The following TRAPPC10 variants were observed in gnomAD, a reference collection of about 807,000 sequenced individuals.
TRAPPC10 encodes trafficking protein particle complex subunit 10, also known as TRAPP 130 kDa subunit.
In TRAPPC10, 23 loss-of-function variants were observed where a neutral mutation model predicts 125.5. That is an observed-to-expected ratio of 0.18 (90% confidence interval 0.13 to 0.26). The LOEUF is 0.26. Among genes scored for constraint, TRAPPC10 ranks in the 10% least tolerant of loss-of-function variants. The probability of loss-of-function intolerance (pLI) is 1.00; values close to 1 mark genes in which losing one functional copy is unlikely to be tolerated. For synonymous variants in TRAPPC10, 509 were observed against 518.0 expected, an observed-to-expected ratio of 0.98 and a Z score of 0.24; for missense variants, 1,123 against 1,308.4, an observed-to-expected ratio of 0.86 and a Z score of 2.19.
intron 1 of TRAPPC10, among the ~76,000 whole-genome samples, chr21:44,026,329 A>G (rs1039751957): frequency 5.9e-5 from 9 of 152,192 alleles, no homozygotes; most frequent in Non-Finnish European, 8.8e-5. Context: ...AGAGCTCCCA[A>G]TCTGAAGCAT....
At chr21:44,088,096 A>G in intron 17 of TRAPPC10, 168 bp downstream of exon 17, 1 of 643,384 alleles carries the variant, frequency 1.6e-6, no homozygotes, top group Admixed American at 2.9e-5. Context: ...CCTTTCTTAG[A>G]TAAGGGGTGC....
In TRAPPC10 at chr21:44,024,530, A is replaced by G. The variant is rs182017996; in HGVS notation, c.68-7561A>G. ...ACCATCAACAACAGGACTAGTGAAC[A>G]CAGGTCTAGAACTGTTTTTGACAGT... On this transcript the variant is annotated intron_variant, in intron 1 of 22. Transcript: ENST00000291574. Among the ~76,000 whole-genome samples the G allele has an allele frequency of 3.3e-5, 5 of 152,356 alleles. No individual in the cohort carries two copies. In the East Asian group the frequency reaches 9.6e-4, roughly 29 times the overall value.
At chr21:44,018,261 C>G (rs2032095834) in intron 1 of TRAPPC10, among the ~76,000 whole-genome samples, 1 of 151,808 alleles carries the variant, frequency 6.6e-6, no homozygotes, top group Non-Finnish European at 1.5e-5. Context: ...AAAAGTTAGC[C>G]AGGTGTGGTG....
intron 3 of TRAPPC10, among the ~76,000 whole-genome samples, chr21:44,038,277 C>G (rs1244787488): frequency 3.3e-5 from 5 of 152,170 alleles, no homozygotes; most frequent in Admixed American, 3.3e-4. Context: ...TGGTCGTGTT[C>G]CCATGTCTCC....
intron 17 of TRAPPC10, chr21:44,088,202 A>G (rs537226169): frequency 2.5e-4 from 119 of 483,180 alleles, no homozygotes; most frequent in African/African-American, 2.1e-3. Context: ...CGGCTTAGGC[A>G]TGAGGGGCGT....
chr21:44,072,338 G>A (rs559040670), intron 7 of TRAPPC10, among the ~76,000 whole-genome samples: 61 of 152,306 alleles, frequency 4.0e-4, no homozygotes, highest in African/African-American at 1.4e-3. Flanking sequence ...TCTGCATCCA[G>A]CGTCCTCTGC....
At chr21:44,026,012 G>T (rs2033030756) in intron 1 of TRAPPC10, among the ~76,000 whole-genome samples, 1 of 152,074 alleles carries the variant, frequency 6.6e-6, no homozygotes, top group Non-Finnish European at 1.5e-5. Flanking sequence ...AAACTTGGTG[G>T]TGCAGAACTG....
rs1419453728 is a variant in TRAPPC10, at chr21:44,040,724, G to A, written c.285+2797G>A. The stretch of plus-strand genomic sequence containing the variant: ...GCAACCTCCGCCCCTCTAGGCTGAC[G>A]CCATCCTCCCACCTCAGCCTCCCAA... On this transcript the variant is annotated intron_variant, in intron 3 of 22. Coordinates refer to ENST00000291574, the MANE Select transcript of TRAPPC10 (RefSeq NM_003274.5). Among the ~76,000 whole-genome samples the A allele has an allele frequency of 3.3e-5, 5 of 151,078 alleles. No individual in the cohort carries two copies. The South Asian group carries it at 6.3e-4, about 19-fold the overall frequency.
chr21:44,042,742 G>A (rs2034506949), intron 3 of TRAPPC10, among the ~76,000 whole-genome samples: 1 of 152,132 alleles, frequency 6.6e-6, no homozygotes, highest in Non-Finnish European at 1.5e-5. Context: ...TTAGTGGTGT[G>A]TTTCTGTTTC....
At chr21:44,043,014 T>A (rs1323988598) in intron 3 of TRAPPC10, among the ~76,000 whole-genome samples, 1 of 151,928 alleles carries the variant, frequency 6.6e-6, no homozygotes, top group Non-Finnish European at 1.5e-5. Context: ...GCTCTGGGAG[T>A]TGAGGGTCTA....
At chr21:44,043,209 CTTTT>C (rs34708259) in intron 3 of TRAPPC10, among the ~76,000 whole-genome samples, 982 of 94,360 alleles carry the variant, frequency 0.01, 14 homozygotes, top group African/African-American at 0.044. Context: ...AATTATTACG[CTTTT>C]TTTTTTTTTT....
intron 3 of TRAPPC10, among the ~76,000 whole-genome samples, chr21:44,044,428 A>G (rs1248730474): frequency 6.6e-6 from 1 of 151,758 alleles, no homozygotes; most frequent in African/African-American, 2.4e-5. Context: ...TTGCTTTAGG[A>G]CTTATAGAGT....
intron 11 of TRAPPC10, among the ~76,000 whole-genome samples, chr21:44,079,061 G>A (rs2037486778): frequency 6.6e-6 from 1 of 152,214 alleles, no homozygotes; most frequent in Non-Finnish European, 1.5e-5. Flanking sequence ...GAGTTTCCAA[G>A]TGGCTCTGTG....
chr21:44,083,001 C>G lies in TRAPPC10; in HGVS notation c.1937C>G (p.Thr646Ser), dbSNP rs1431484198. Residue 646 changes from threonine (T) to serine (S), a missense_variant, in exon 14 of 23, where the codon ACC becomes AGC. Physicochemically the swap from Thr to Ser is moderately conservative, Grantham distance 58. Around this residue, in one of 4 missense-constraint regions of TRAPPC10, gnomAD observed 840 missense variants for 902.0 expected, o/e 0.93. Coordinates refer to ENST00000291574, the MANE Select transcript of TRAPPC10 (RefSeq NM_003274.5). ...TACCGGAAGACTGCGGAGTGGCTTA[C>G]CAAGCACAAGACGTCCAATGGGATC... The part of the protein sequence containing the change: ...NSYRKTAEWL[T>S]KHKTSNGIIN... 6.2e-7 allele frequency: 1 copy of G among 1,614,042 alleles called. No individual in the cohort carries two copies. The highest frequency in any genetic ancestry group is 8.5e-7 in the Non-Finnish European group (1 of 1,180,032).
intron 4 of TRAPPC10, 116 bp from the exon 5 acceptor site, chr21:44,055,577 CAAAAA>C (rs548421815): frequency 2.0e-4 from 120 of 592,094 alleles, no homozygotes; most frequent in African/African-American, 1.1e-3. Context: ...AACTCTGTCT[CAAAAA>C]AAAAAAAAAA....
At chr21:44,055,581 A>G in intron 4 of TRAPPC10, 117 bp from the exon 5 acceptor site, 2 of 766,386 alleles carry the variant, frequency 2.6e-6, no homozygotes, top group Non-Finnish European at 3.9e-6. Flanking sequence ...CTGTCTCAAA[A>G]AAAAAAAAAA....
intron 6 of TRAPPC10, among the ~76,000 whole-genome samples, chr21:44,062,325 T>A (rs2036119955): frequency 6.6e-6 from 1 of 152,226 alleles, no homozygotes; most frequent in South Asian, 2.1e-4. Flanking sequence ...TCCCTTTTTT[T>A]ATGATGCTTA....
chr21:44,087,906 G>A lies in TRAPPC10; in HGVS notation c.2747G>A (p.Cys916Tyr). The A allele has an allele frequency of 1.9e-6, 3 of 1,613,884 alleles. No homozygotes were observed. The highest frequency in any genetic ancestry group is 2.5e-6 in the Non-Finnish European group (3 of 1,179,940). ...AAGGACAAACAGAGAACTGGCCGCT[G>A]CATGGTTACCACAGACCACAAAGTG... Reference protein sequence around the residue: ...KHKDKQRTGRCMVTTDHKVSI... With the variant: ...KHKDKQRTGRYMVTTDHKVSI... The change falls in exon 17 of 23, where the codon TGC becomes TAC. Residue 916 changes from cysteine (C) to tyrosine (Y), a missense_variant. Physicochemically the swap from Cys to Tyr is radical, Grantham distance 194. Coordinates refer to ENST00000291574, the MANE Select transcript of TRAPPC10 (RefSeq NM_003274.5). The surrounding 1 kb of genome is among the most constrained non-coding windows in gnomAD (Gnocchi z 4.6).
chr21:44,074,211 G>T (rs2037103778), intron 7 of TRAPPC10, 113 bp from the exon 8 acceptor site: 2 of 1,298,530 alleles, frequency 1.5e-6, no homozygotes, highest in African/African-American at 1.5e-5. Flanking sequence ...GTTAGATGAG[G>T]TGGCTGCTTG....
Sources: allele counts gnomAD v4.1 joint callset (sites outside exome capture counted in the v4.1 genomes callset), GRCh38; gene constraint gnomAD v4.1.1; regional missense constraint gnomAD v4.1.1; non-coding constraint Gnocchi (gnomAD v3.1); transcripts MANE v1.5; gene names NCBI Gene and HGNC (gene_info 2026-07-23, HGNC 2026-07-21).